The following CD99 variants were observed in gnomAD, a reference collection of about 807,000 sequenced individuals.
The protein encoded by CD99 is CD99 antigen.
CD99 carries 19 observed loss-of-function variants against 28.4 expected under a neutral mutation model. The observed-to-expected ratio is 0.67, with a 90% confidence interval of 0.47 to 0.98. The LOEUF is 0.98. Ranked by LOEUF, CD99 falls within the 50% of genes least tolerant of loss-of-function variation. The pLI, the probability that CD99 is intolerant of heterozygous loss-of-function variation, is 0.00. For synonymous variants in CD99, 103 were observed against 92.1 expected, an observed-to-expected ratio of 1.12 and a Z score of -0.67; for missense variants, 283 against 248.8, an observed-to-expected ratio of 1.14 and a Z score of -0.92.
chrX:2,710,507 G>A (rs1428439632), intron 1 of CD99, among the ~76,000 whole-genome samples: 2 of 143,232 alleles, frequency 1.4e-5, no homozygotes, highest in Non-Finnish European at 3.1e-5. Flanking sequence ...TTACTTTCAC[G>A]TGTGGGGTTT....
At chrX:2,737,552 T>A (rs1336756944) in intron 8 of CD99, among the ~76,000 whole-genome samples, 2 of 150,358 alleles carry the variant, frequency 1.3e-5, no homozygotes, top group Non-Finnish European at 3.0e-5. Context: ...TGGAGTGCAA[T>A]AGTGTGATCT....
chrX:2,692,700 G>C (rs773111590), intron 1 of CD99, among the ~76,000 whole-genome samples: 1 of 152,198 alleles, frequency 6.6e-6, no homozygotes, highest in Non-Finnish European at 1.5e-5. Flanking sequence ...CACCACGGAC[G>C]GGATGGCTCT....
chrX:2,738,399 T>C (rs1244825950), intron 9 of CD99, 143 bp downstream of exon 9: 1 of 775,948 alleles, frequency 1.3e-6, no homozygotes, highest in East Asian at 2.5e-5. Flanking sequence ...GTCTCGTTGC[T>C]TTGGAGGGAT....
chrX:2,694,517 CG>C (rs2047482912), intron 1 of CD99, among the ~76,000 whole-genome samples: 1 of 72,026 alleles, frequency 1.4e-5, no homozygotes, highest in African/African-American at 5.6e-5. Flanking sequence ...TTTGAGAGGC[CG>C]AGGGCCGGTG....
intron 4 of CD99, 99 bp downstream of exon 4, chrX:2,719,804 A>T (rs777489961): frequency 7.5e-7 from 1 of 1,332,606 alleles, no homozygotes; most frequent in Admixed American, 1.7e-5. Flanking sequence ...TTATAAAGGG[A>T]ACCAGTTTTC....
chrX:2,707,349 G>GAAAAGAA (rs1398603140), intron 1 of CD99, among the ~76,000 whole-genome samples: 7,002 of 147,548 alleles, frequency 0.047, 224 homozygotes, highest in Non-Finnish European at 0.073. Flanking sequence ...GAAAAGAAAA[G>GAAAAGAA]AAAAAAACAG....
chrX:2,723,595 G>A (rs2049115532), intron 7 of CD99, among the ~76,000 whole-genome samples: 1 of 152,132 alleles, frequency 6.6e-6, no homozygotes, highest in South Asian at 2.1e-4. Flanking sequence ...TTGGTCACCT[G>A]CCCACGATGC....
intron 5 of CD99, 122 bp from the exon 6 acceptor site, chrX:2,722,505 G>A: frequency 1.2e-6 from 1 of 830,056 alleles, no homozygotes; most frequent in Non-Finnish European, 2.1e-6. Context: ...ATTCTTAGTG[G>A]AGATGGGGTT....
rs780629002 is a variant in CD99, at chrX:2,699,763, A to G, written c.67+8336A>G. 2.5e-3 allele frequency among the ~76,000 whole-genome samples: 384 copies of G among 152,172 alleles called. 1 individual carries two copies. The highest frequency in any genetic ancestry group is 3.2e-3 in the Non-Finnish European group (219 of 68,000). ...GGAGCCACTGCATCCCGCTATTAGG[A>G]ATTTTTAAAAAGCCCCTCGGAGGGT... On this transcript the variant is annotated intron_variant, in intron 1 of 9. Coordinates refer to ENST00000381192, the MANE Select transcript of CD99 (RefSeq NM_002414.5).
Position 2,696,650 on chromosome X carries a change from G to A in CD99, c.67+5223G>A, listed in dbSNP as rs549642046. Reference sequence around the variant, plus strand: ...ACTCCTGACCTCAGGTGATCCGCCCGCCTCGGCCTCCTAAAGTGTATTCTT... The same window carrying A: ...ACTCCTGACCTCAGGTGATCCGCCCACCTCGGCCTCCTAAAGTGTATTCTT... On this transcript the variant is annotated intron_variant, in intron 1 of 9. Coordinates refer to ENST00000381192, the MANE Select transcript of CD99 (RefSeq NM_002414.5). Among the ~76,000 whole-genome samples the A allele has an allele frequency of 2.3e-4, 35 of 152,192 alleles. 1 individual carries two copies. The highest frequency in any genetic ancestry group is 6.0e-4 in the African/African-American group (25 of 41,522).
At position 2,741,045 on chromosome X, in the gene CD99, G is replaced by GA. The variant is rs368981315; in HGVS notation, c.*241_*242insA. 2.8e-5 allele frequency: 16 copies of GA among 574,940 alleles called. 1 individual carries two copies. The East Asian group carries it at 4.0e-4, about 14-fold the overall frequency. The allele number at this position is 574,940 out of a possible 1,614,324, so 35.6% of individuals were successfully genotyped here. ...CCCCCATTCTCCAAGGCCCGGGGGG[G>GA]CGGTTTCCCATGGGATGTGAAAGGC... On this transcript the variant is annotated 3_prime_UTR_variant, in exon 10 of 10. Coordinates refer to ENST00000381192, the MANE Select transcript of CD99 (RefSeq NM_002414.5).
intron 8 of CD99, chrX:2,737,932 C>T: frequency 1.5e-6 from 1 of 675,964 alleles, no homozygotes; most frequent in Non-Finnish European, 2.8e-6. Context: ...GAAAGCAACC[C>T]TTAAAATAGA....
At chrX:2,710,950 A>C (rs311064) in intron 1 of CD99, among the ~76,000 whole-genome samples, 4 of 143,666 alleles carry the variant, frequency 2.8e-5, no homozygotes, top group African/African-American at 7.7e-5. Context: ...TGCTCACTGC[A>C]ACCTCTACTT....
At chrX:2,723,492 G>T (rs2049107706) in intron 7 of CD99, 128 bp downstream of exon 7, 28 of 1,070,690 alleles carry the variant, frequency 2.6e-5, no homozygotes, top group Admixed American at 3.5e-5. Flanking sequence ...AGGCACGGGT[G>T]TTCTGTGCCA....
At chrX:2,731,135 C>T (rs769687700) in intron 8 of CD99, among the ~76,000 whole-genome samples, 126 of 152,100 alleles carry the variant, frequency 8.3e-4, no homozygotes, top group African/African-American at 2.7e-3. Flanking sequence ...TCGAGTTATC[C>T]GGAAGACGAA....
At chrX:2,708,913 T>G (rs769158013) in intron 1 of CD99, among the ~76,000 whole-genome samples, 80 of 152,192 alleles carry the variant, frequency 5.3e-4, no homozygotes, top group African/African-American at 1.9e-3. Flanking sequence ...GTAACTGGGT[T>G]TGTGTGGGGT....
chrX:2,711,502 C>A (rs1247669565), intron 1 of CD99, among the ~76,000 whole-genome samples: 1 of 151,238 alleles, frequency 6.6e-6, no homozygotes, highest in Admixed American at 6.6e-5. Context: ...AGAGACACTC[C>A]CCTCCCATGT....
At chrX:2,712,885 AACT>A (rs2048487944) in intron 1 of CD99, among the ~76,000 whole-genome samples, 6 of 152,232 alleles carry the variant, frequency 3.9e-5, no homozygotes, top group South Asian at 4.1e-4. Flanking sequence ...ACGTGCACAC[AACT>A]ACATGTGTGC....
At chrX:2,708,138 G>A (rs966719710) in intron 1 of CD99, among the ~76,000 whole-genome samples, 5 of 152,030 alleles carry the variant, frequency 3.3e-5, no homozygotes, top group East Asian at 1.9e-4. Flanking sequence ...ACACACCTGG[G>A]GGACTGCCTC....
Sources: allele counts gnomAD v4.1 joint callset (sites outside exome capture counted in the v4.1 genomes callset), GRCh38; gene constraint gnomAD v4.1.1; transcripts MANE v1.5; gene names NCBI Gene and HGNC (gene_info 2026-07-23, HGNC 2026-07-21).